The following METTL23 variants were observed in gnomAD, a reference collection of about 807,000 sequenced individuals.
METTL23 encodes the protein histone-arginine methyltransferase METTL23.
A neutral mutation model predicts 21.2 loss-of-function variants in METTL23; 24 were observed. The ratio of observed to expected loss-of-function variants is 1.13; its 90% CI spans 0.82 to 1.59. METTL23 has a LOEUF of 1.59. METTL23 is among the 40% of genes most tolerant of loss of function. METTL23 has a pLI of 0.00. For missense variants in METTL23, 276 were observed against 221.4 expected (o/e 1.25, Z -1.57); for synonymous variants, 97 against 75.2 (o/e 1.29, Z -1.50).
At position 76,733,359 on chromosome 17, in the gene METTL23, C is replaced by T; in HGVS notation, c.389C>T (p.Ser130Phe). 3.1e-6 allele frequency: 5 copies of T among 1,613,884 alleles called. No homozygotes were observed. The highest frequency in any genetic ancestry group is 4.2e-6 in the Non-Finnish European group (5 of 1,179,834). Residue 130 changes from serine (S) to phenylalanine (F), a missense_variant, in exon 4 of 5, where the codon TCT becomes TTT. Coordinates refer to ENST00000341249, the MANE Select transcript of METTL23 (RefSeq NM_001080510.5). ...MHKNPKVQLW[S>F]TYQVRSADWS... ...AAGAATCCCAAGGTCCAATTGTGGT[C>T]TACTTATCAAGTTAGGAGGCAAGTA...
intron 1 of METTL23, among the ~76,000 whole-genome samples, chr17:76,727,696 C>G (rs2077004493): frequency 6.6e-6 from 1 of 152,266 alleles, no homozygotes; most frequent in African/African-American, 2.4e-5. Flanking sequence ...TTCCTCTAAG[C>G]TCACAGCTAC....
At chr17:76,729,987 T>C (rs1242261238) in intron 2 of METTL23, among the ~76,000 whole-genome samples, 193 bp downstream of exon 2, 1 of 152,234 alleles carries the variant, frequency 6.6e-6, no homozygotes, top group African/African-American at 2.4e-5. Context: ...TGGAACTTTT[T>C]TTCATTTAAA....
At chr17:76,732,171 A>G (rs1388468543) in intron 2 of METTL23, among the ~76,000 whole-genome samples, 2 of 146,518 alleles carry the variant, frequency 1.4e-5, no homozygotes, top group East Asian at 3.8e-4. Flanking sequence ...CAGCCTGGCC[A>G]ACATGGTGAA....
At chr17:76,732,422 C>T (rs536010527) in intron 2 of METTL23, among the ~76,000 whole-genome samples, 8 of 151,782 alleles carry the variant, frequency 5.3e-5, no homozygotes, top group Non-Finnish European at 8.8e-5. Context: ...TGCTTGAACC[C>T]GGGAGGCGGG....
rs368889510 is a variant in METTL23 at position 76,729,775 on chromosome 17, C to G, written c.65C>G (p.Pro22Arg). Residue 22 changes from proline (P) to arginine (R), a missense_variant, in exon 2 of 5, where the codon CCA becomes CGA. Physicochemically the swap from Pro to Arg is moderately radical, Grantham distance 103. Transcript: ENST00000341249. ...QYLWFHRRSL[P>R]GKAILEIGAG... Reference sequence around the variant, plus strand: ...CTTTGGTTTCACAGAAGATCTCTGCCAGGCAAGGCCATCTTAGAGGTACAA... The same window carrying G: ...CTTTGGTTTCACAGAAGATCTCTGCGAGGCAAGGCCATCTTAGAGGTACAA... 124 of 1,592,832 alleles carry G rather than the reference C, an allele frequency of 7.8e-5. No homozygotes were observed. The highest frequency in any genetic ancestry group is 1.9e-5 in the Non-Finnish European group (22 of 1,168,210).
chr17:76,727,999 G>A (rs962856699), intron 1 of METTL23, among the ~76,000 whole-genome samples: 1 of 152,192 alleles, frequency 6.6e-6, no homozygotes. Context: ...AAGTTAAATG[G>A]GAGGCGGAGG....
At chr17:76,726,560 C>T, upstream of METTL23, 1 of 1,482,498 alleles carries the variant, frequency 6.7e-7, no homozygotes, top group Non-Finnish European at 8.9e-7. Context: ...GCCTGGGCGG[C>T]GGCGACGGCA....
rs376719578 is a variant in METTL23, at chr17:76,733,060, C to T, written c.167C>T (p.Pro56Leu). Residue 56 changes from proline (P) to leucine (L), a missense_variant, in exon 3 of 5, where the codon CCT (proline) becomes CTT (leucine). By Grantham distance (98) the Pro-to-Leu change is moderately conservative. Transcript: ENST00000341249. ...EVILSDSSEL[P>L]HCLEVCRQSC... ...ATACTGTCAGACAGCTCAGAACTGC[C>T]TCACTGTCTGGAAGTCTGTCGGCAA... The T allele has an allele frequency of 3.1e-6, 5 of 1,606,506 alleles. No homozygotes were observed. The African/African-American group carries it at 6.7e-5, about 21-fold the overall frequency.
rs1598412431 is a variant in METTL23 at position 76,732,792 on chromosome 17, T to C, written c.85-186T>C. On this transcript the variant is annotated intron_variant, in intron 2 of 4. Coordinates refer to ENST00000341249, the MANE Select transcript of METTL23 (RefSeq NM_001080510.5). The stretch of plus-strand genomic sequence containing the variant: ...AGCTTTTACCTTTTAGCAGAGTAGA[T>C]TCATAAGGAATGTACTTTTGTCATG... The C allele has an allele frequency of 9.8e-6, 6 of 611,228 alleles. No homozygotes were observed. In the East Asian group the frequency reaches 1.4e-4, roughly 14 times the overall value. The allele number at this position is 611,228 out of a possible 1,614,324, so 37.9% of individuals were successfully genotyped here. A position where few individuals can be genotyped will look rare whatever the true frequency, so the allele number is the denominator to read the frequency against.
At position 76,729,907 on chromosome 17, in the gene METTL23, T is replaced by G; in HGVS notation, c.84+113T>G. 7.7e-6 allele frequency: 6 copies of G among 775,662 alleles called. No individual in the cohort carries two copies. In the South Asian group the frequency reaches 9.8e-5, roughly 13 times the overall value. The allele number at this position is 775,662 out of a possible 1,614,324, so 48.0% of individuals were successfully genotyped here. On this transcript the variant is annotated intron_variant, in intron 2 of 4. Coordinates refer to ENST00000341249, the MANE Select transcript of METTL23 (RefSeq NM_001080510.5). ...GTTAAATATTTTTAAATCGGGTAATTTAGCTAGTTTGTAAGGTCTGTGAGC... is the reference window on the plus strand; with the variant it reads ...GTTAAATATTTTTAAATCGGGTAATGTAGCTAGTTTGTAAGGTCTGTGAGC...
chr17:76,726,591 C>T (rs1381986665), upstream of METTL23: 6 of 1,371,406 alleles, frequency 4.4e-6, no homozygotes, highest in Middle Eastern at 1.9e-4. Flanking sequence ...GCCCTTCGCT[C>T]AGTCCCGGCG....
In METTL23 at chr17:76,733,141, A is replaced by T; in HGVS notation, c.248A>T (p.His83Leu). ...CAGGTGGTAGGACTAACATGGGGTCATATATCTTGGGATCTTCTGGCTCTA... is the reference window on the plus strand; with the variant it reads ...CAGGTGGTAGGACTAACATGGGGTCTTATATCTTGGGATCTTCTGGCTCTA... ...HLQVVGLTWGHISWDLLALPP... is the reference protein window; with the variant it reads ...HLQVVGLTWGLISWDLLALPP... Residue 83 changes from histidine (H) to leucine (L), a missense_variant, in exon 3 of 5, where the codon CAT (histidine) becomes CTT (leucine). Physicochemically the swap from His to Leu is moderately conservative, Grantham distance 99 (BLOSUM62 -3). Transcript: ENST00000341249. 1 of 1,613,944 alleles carries T rather than the reference A, an allele frequency of 6.2e-7. No homozygotes were observed. Among genetic ancestry groups the T allele is most frequent in the Non-Finnish European group, 8.5e-7 (1 of 1,179,870 alleles).
At chr17:76,729,235 T>A (rs986687284) in intron 1 of METTL23, among the ~76,000 whole-genome samples, 2 of 151,870 alleles carry the variant, frequency 1.3e-5, no homozygotes, top group Non-Finnish European at 1.5e-5. Flanking sequence ...CGTGCCACCA[T>A]GCCCGGCTAA....
intron 2 of METTL23, among the ~76,000 whole-genome samples, chr17:76,730,792 AC>A (rs1236214424): frequency 1.3e-5 from 2 of 151,496 alleles, no homozygotes; most frequent in Non-Finnish European, 2.9e-5. Context: ...ACATGGTGAA[AC>A]CCCGTCTCTA....
chr17:76,729,843 G>C (rs537419468), intron 2 of METTL23, 49 bp downstream of exon 2: 11 of 1,370,748 alleles, frequency 8.0e-6, no homozygotes, highest in Admixed American at 2.0e-5. Flanking sequence ...GTTCAGATGT[G>C]TTAAGTTGAC....
intron 1 of METTL23, among the ~76,000 whole-genome samples, chr17:76,729,114 G>A (rs8069639): frequency 0.38 from 56,279 of 148,188 alleles, 12,890 homozygotes; most frequent in Non-Finnish European, 0.5. Context: ...TTTTTGAAAC[G>A]TAGTCTCACT....
chr17:76,728,233 C>G (rs1185240321), intron 1 of METTL23, among the ~76,000 whole-genome samples: 1 of 136,012 alleles, frequency 7.4e-6, no homozygotes, highest in African/African-American at 2.8e-5. Context: ...AAGACATTGT[C>G]AAGAAGAAAA....
At chr17:76,729,832 T>C in intron 2 of METTL23, 38 bp downstream of exon 2, 1 of 1,425,992 alleles carries the variant, frequency 7.0e-7, no homozygotes. Context: ...TTCTAGGTTA[T>C]GTTCAGATGT....
At chr17:76,732,553 G>A in intron 2 of METTL23, 1 of 176,338 alleles carries the variant, frequency 5.7e-6, no homozygotes. Flanking sequence ...TGAGGCAGGA[G>A]AATCACTGGA....
Sources: gnomAD v4.1 joint callset for allele counts (sites outside exome capture counted in the v4.1 genomes callset) on GRCh38, gnomAD v4.1.1 for gene constraint, MANE v1.5 for transcripts, NCBI Gene and HGNC (gene_info 2026-07-23, HGNC 2026-07-21) for gene names.